FRRS1: variants seen among roughly 807,000 people sequenced by gnomAD.
FRRS1 encodes ferric reductase 1.
Under a neutral mutation model 70.7 loss-of-function variants are expected in FRRS1, and 51 were observed. The observed-to-expected ratio is 0.72, with a 90% CI of 0.58 to 0.91. FRRS1 has a LOEUF of 0.91. Among genes scored for constraint, FRRS1 ranks in the 40% least tolerant of loss-of-function variants. FRRS1 has a pLI of 0.00. For missense variants in FRRS1, 672 were observed against 726.0 expected, an observed-to-expected ratio of 0.93 and a Z score of 0.86; for synonymous variants, 225 against 238.7, an observed-to-expected ratio of 0.94 and a Z score of 0.53.
intron 10 of FRRS1, 54 bp from the exon 11 acceptor site, chr1:99,717,579 C>T (rs1654597855): frequency 1.7e-6 from 2 of 1,193,216 alleles, no homozygotes; most frequent in Non-Finnish European, 2.5e-6. Flanking sequence ...CAAGCCATCG[C>T]TTAAATGACC....
At chr1:99,748,282 T>C (rs554843902) in intron 3 of FRRS1, 5 of 217,558 alleles carry the variant, frequency 2.3e-5, no homozygotes, top group African/African-American at 9.2e-5. Context: ...GGGTTTATTA[T>C]ATTTTAAACA....
At chr1:99,725,008 A>G (rs1655013033) in intron 9 of FRRS1, among the ~76,000 whole-genome samples, 1 of 152,116 alleles carries the variant, frequency 6.6e-6, no homozygotes, top group South Asian at 2.1e-4. Context: ...GACCAGATCC[A>G]TGGAACACAA....
chr1:99,753,929 A>G (rs1571153253), intron 1 of FRRS1, among the ~76,000 whole-genome samples: 1 of 152,242 alleles, frequency 6.6e-6, no homozygotes, highest in East Asian at 1.9e-4. Context: ...ATATAGATTA[A>G]AAGTAAATGC....
At position 99,728,654 on chromosome 1, in the gene FRRS1, C is replaced by T. The variant is rs1655189741; in HGVS notation, c.859-14G>A. The T allele has an allele frequency of 1.2e-6, 2 of 1,610,864 alleles. No homozygotes were observed. The highest frequency in any genetic ancestry group is 1.7e-6 in the Non-Finnish European group (2 of 1,177,812). ...CTCAAGGGTATCCTACAAACACACA[C>T]AATGGGTCTTCTCAGCACTTTCCAA... On this transcript the variant is annotated splice_polypyrimidine_tract_variant and intron_variant, in intron 8 of 16. Coordinates refer to ENST00000646001, the MANE Select transcript of FRRS1 (RefSeq NM_001361041.2).
At position 99,705,978 on chromosome 1, in the gene FRRS1, T is replaced by A. The variant is rs756840263; in HGVS notation, c.*3050A>T. 2.6e-5 allele frequency among the ~76,000 whole-genome samples: 4 copies of A among 152,156 alleles called. No individual in the cohort carries two copies. The highest frequency in any genetic ancestry group is 4.4e-5 in the Non-Finnish European group (3 of 68,032). The stretch of plus-strand genomic sequence containing the variant: ...AACTTTTGAAAAACTTCCCAGAGTG[T>A]TTATTACAGAAACAAAAAGAAAAAC... On this transcript the variant is annotated 3_prime_UTR_variant, in exon 17 of 17. Coordinates refer to ENST00000646001, the MANE Select transcript of FRRS1 (RefSeq NM_001361041.2).
intron 9 of FRRS1, among the ~76,000 whole-genome samples, chr1:99,725,287 C>A (rs12127323): frequency 0.12 from 17,670 of 152,180 alleles, 2,039 homozygotes; most frequent in African/African-American, 0.3. Flanking sequence ...GGTTGGGGAT[C>A]CCTGATGTAC....
intron 9 of FRRS1, among the ~76,000 whole-genome samples, chr1:99,722,453 T>C (rs545873956): frequency 2.0e-5 from 3 of 152,266 alleles, no homozygotes; most frequent in East Asian, 3.9e-4. Flanking sequence ...AAATCACTTA[T>C]GAATATAGAT....
Position 99,748,538 on chromosome 1 carries a change from A to G in FRRS1, c.196+35T>C, listed in dbSNP as rs775394748. ...ATTCAATAAACAGTAAAAGAGTGAA[A>G]TCCAAAATGTAAACAGTTAATCCCA... On this transcript the variant is annotated intron_variant, in intron 3 of 16. Coordinates refer to ENST00000646001, the MANE Select transcript of FRRS1 (RefSeq NM_001361041.2). 8 of 1,508,832 alleles carry G rather than the reference A, an allele frequency of 5.3e-6. No individual in the cohort carries two copies. The Admixed American group carries it at 1.4e-4, about 27-fold the overall frequency. The allele number at this position is 1,508,832 out of a possible 1,614,324, so 93.5% of individuals were successfully genotyped here. A position where few individuals can be genotyped will look rare whatever the true frequency, so the allele number is the denominator to read the frequency against.
chr1:99,737,361 G>A (rs901218214), intron 7 of FRRS1, among the ~76,000 whole-genome samples: 2 of 152,158 alleles, frequency 1.3e-5, no homozygotes, highest in Non-Finnish European at 2.9e-5. Flanking sequence ...CTCTTTTTAG[G>A]AAAGGCACTG....
chr1:99,734,778 C>T (rs986627918), intron 7 of FRRS1, among the ~76,000 whole-genome samples: 3 of 152,078 alleles, frequency 2.0e-5, no homozygotes, highest in Non-Finnish European at 2.9e-5. Flanking sequence ...GACAAGGAGA[C>T]ATCAGGGGGC....
chr1:99,705,352 A>C lies in FRRS1; in HGVS notation c.*3676T>G, dbSNP rs894301939. On this transcript the variant is annotated 3_prime_UTR_variant, in exon 17 of 17. Transcript: ENST00000646001. ...CTTGGTAGGGGCTGCACAAGGAAGA[A>C]AGAAGCAGGATGTGGATAGGAACTG... 3.3e-5 allele frequency among the ~76,000 whole-genome samples: 5 copies of C among 152,210 alleles called. No homozygotes were observed. The highest frequency in any genetic ancestry group is 1.2e-4 in the African/African-American group (5 of 41,450).
chr1:99,747,459 A>C, intron 3 of FRRS1, 29 bp from the exon 4 acceptor site: 1 of 1,594,066 alleles, frequency 6.3e-7, no homozygotes, highest in Non-Finnish European at 8.5e-7. Context: ...GGTTGGTTAA[A>C]AAGCTTAGTA....
In FRRS1 at chr1:99,719,578, T is replaced by G; in HGVS notation, c.1076A>C (p.Lys359Thr). 1 of 1,611,346 alleles carries G rather than the reference T, an allele frequency of 6.2e-7. No homozygotes were observed. Among genetic ancestry groups the G allele is most frequent in the Non-Finnish European group, 8.5e-7 (1 of 1,177,536 alleles). The change falls in exon 10 of 17, where the codon AAG becomes ACG. Residue 359 changes from lysine (K) to threonine (T), a missense_variant. Physicochemically the swap from Lys to Thr is moderately conservative, Grantham distance 78. Transcript: ENST00000646001. ...YEKYDVTDSP[K>T]NIGGSHSVLL... The stretch of plus-strand genomic sequence containing the variant: ...TACAGAATGGGATCCTCCTATGTTC[T>G]TTGGAGAGTCTGTCACATCATATTT...
chr1:99,719,693 C>A, intron 9 of FRRS1, 46 bp from the exon 10 acceptor site: 1 of 1,037,326 alleles, frequency 9.6e-7, no homozygotes, highest in East Asian at 2.4e-5. Flanking sequence ...ATAATTACTT[C>A]CTCAAATAAA....
intron 8 of FRRS1, 32 bp from the exon 9 acceptor site, chr1:99,728,672 C>T: frequency 1.3e-6 from 2 of 1,594,216 alleles, no homozygotes; most frequent in Non-Finnish European, 1.7e-6. Flanking sequence ...CTTCTCAGCA[C>T]TTTCCAAAGA....
At chr1:99,737,134 G>A (rs1207060604) in intron 7 of FRRS1, among the ~76,000 whole-genome samples, 2 of 152,066 alleles carry the variant, frequency 1.3e-5, no homozygotes, top group East Asian at 3.9e-4. Context: ...TACACGTCCT[G>A]GCCACAATAC....
At position 99,748,633 on chromosome 1, in the gene FRRS1, C is replaced by G. The variant is rs1656408208; in HGVS notation, c.136G>C (p.Val46Leu). 1 of 1,614,022 alleles carries G rather than the reference C, an allele frequency of 6.2e-7. No homozygotes were observed. The highest frequency in any genetic ancestry group is 8.5e-7 in the Non-Finnish European group (1 of 1,179,928). Residue 46 changes from valine (V) to leucine (L), a missense_variant, in exon 3 of 17, where the codon GTT becomes CTT. Physicochemically the swap from Val to Leu is conservative, Grantham distance 32 (BLOSUM62 1). Transcript: ENST00000646001. The stretch of plus-strand genomic sequence containing the variant: ...CTCACGTAAATGTCATGAACAGGAA[C>G]AGACTGTGGACTATGACCATGTTCA... Reference protein sequence around the residue: ...IPEHGHSPQSVPVHDIYVSQM... With the variant: ...IPEHGHSPQSLPVHDIYVSQM...
intron 7 of FRRS1, among the ~76,000 whole-genome samples, chr1:99,736,675 C>T (rs1161274713): frequency 6.9e-5 from 10 of 144,948 alleles, no homozygotes; most frequent in Non-Finnish European, 4.5e-5. Context: ...TGTTAAATGA[C>T]CAGTTAATGG....
rs1656333726 is a variant in FRRS1 at position 99,747,443 on chromosome 1, C to T, written c.197-13G>A. On this transcript the variant is annotated splice_polypyrimidine_tract_variant and intron_variant, in intron 3 of 16. Transcript: ENST00000646001. Reference sequence around the variant, plus strand: ...CCTGACAAAGTAACTGAGAAAAAGACAAAAGGGTTGGTTAAAAAGCTTAGT... The same window carrying T: ...CCTGACAAAGTAACTGAGAAAAAGATAAAAGGGTTGGTTAAAAAGCTTAGT... 1 of 1,602,506 alleles carries T rather than the reference C, an allele frequency of 6.2e-7. No individual in the cohort carries two copies. The highest frequency in any genetic ancestry group is 8.5e-7 in the Non-Finnish European group (1 of 1,176,386).
Sources: allele counts gnomAD v4.1 joint callset (sites outside exome capture counted in the v4.1 genomes callset), GRCh38; gene constraint gnomAD v4.1.1; transcripts MANE v1.5; gene names NCBI Gene and HGNC (gene_info 2026-07-23, HGNC 2026-07-21).